The following HEATR3 variants were observed in gnomAD, a reference collection of about 807,000 sequenced individuals.
HEATR3 encodes the protein HEAT repeat containing 3.
In HEATR3, 56 loss-of-function variants were observed where a neutral mutation model predicts 72.8. That is an observed-to-expected ratio of 0.77 (90% CI 0.62 to 0.96). The LOEUF (loss-of-function observed/expected upper bound fraction) is 0.96, where lower values mean the gene tolerates loss of function less well. Ranked by LOEUF, HEATR3 falls within the 40% of genes least tolerant of loss-of-function variation. The pLI is 0.00. For synonymous variants in HEATR3, 331 were observed against 318.1 expected (o/e 1.04, Z -0.43); for missense variants, 747 against 831.4 (o/e 0.90, Z 1.25).
chr16:50,072,784 G>T lies in HEATR3; in HGVS notation c.622+70G>T, dbSNP rs552743951. The T allele has an allele frequency of 2.8e-5, 26 of 922,864 alleles. No individual in the cohort carries two copies. In the South Asian group the frequency reaches 3.3e-4, roughly 12 times the overall value. 57.2% of individuals were successfully genotyped at this position (922,864 alleles called of 1,614,324 possible). A position where few individuals can be genotyped will look rare whatever the true frequency, so the allele number is the denominator to read the frequency against. On this transcript the variant is annotated intron_variant, in intron 5 of 14. Coordinates refer to ENST00000299192, the MANE Select transcript of HEATR3 (RefSeq NM_182922.4). ...ATTCAAAAATTTTTATGCAGCTTTGGCGTGTTTATTCCACTGGAGTGATTT... is the reference window on the plus strand; with the variant it reads ...ATTCAAAAATTTTTATGCAGCTTTGTCGTGTTTATTCCACTGGAGTGATTT...
rs2036502676 is a variant in HEATR3, at chr16:50,066,587, C to T, written c.311+48C>T. ...CGGTGCCCACCGCTGGCCTCCCCCG[C>T]GTCTGGGCTGCGGGCGGTCGCAGCG... On this transcript the variant is annotated intron_variant, in intron 2 of 14. Transcript: ENST00000299192. 5 of 1,259,864 alleles carry T rather than the reference C, an allele frequency of 4.0e-6. No homozygotes were observed. In the South Asian group the frequency reaches 9.3e-5, roughly 23 times the overall value. The allele number at this position is 1,259,864 out of a possible 1,614,324, so 78.0% of individuals were successfully genotyped here.
At chr16:50,101,106 C>CTTTTTTTTTTTTTTTT (rs5816674) in intron 13 of HEATR3, among the ~76,000 whole-genome samples, 4 of 144,342 alleles carry the variant, frequency 2.8e-5, no homozygotes, top group Non-Finnish European at 4.5e-5. Flanking sequence ...ACTTGCAAAG[C>CTTTTTTTTTTTTTTTT]TTTTTTTTTT....
chr16:50,079,134 G>A, intron 7 of HEATR3, 116 bp downstream of exon 7: 2 of 993,104 alleles, frequency 2.0e-6, no homozygotes, highest in Non-Finnish European at 1.5e-6. Flanking sequence ...AGTGCGTTTT[G>A]GTAAAAATGA....
intron 12 of HEATR3, among the ~76,000 whole-genome samples, chr16:50,095,592 G>A (rs1320087479): frequency 3.3e-5 from 5 of 151,598 alleles, no homozygotes; most frequent in Non-Finnish European, 7.4e-5. Flanking sequence ...TTTTTGAGAC[G>A]GGGTCTTACT....
At chr16:50,066,578 C>T (rs1332970658) in intron 2 of HEATR3, 39 bp downstream of exon 2, 1 of 1,266,942 alleles carries the variant, frequency 7.9e-7, no homozygotes, top group Non-Finnish European at 9.9e-7. Context: ...CCACCGCTGG[C>T]CTCCCCCGCG....
intron 13 of HEATR3, 133 bp downstream of exon 13, chr16:50,100,506 T>G: frequency 1.2e-6 from 1 of 809,086 alleles, no homozygotes; most frequent in East Asian, 2.7e-5. Context: ...TTGAGTCATA[T>G]TATTAGAATA....
Position 50,066,556 on chromosome 16 carries a change from G to A in HEATR3, c.311+17G>A, listed in dbSNP as rs1457840833. The A allele has an allele frequency of 1.6e-5, 21 of 1,282,136 alleles. No individual in the cohort carries two copies. The highest frequency in any genetic ancestry group is 6.3e-5 in the East Asian group (2 of 31,712). The allele number at this position is 1,282,136 out of a possible 1,614,324, so 79.4% of individuals were successfully genotyped here. On this transcript the variant is annotated intron_variant, in intron 2 of 14. Coordinates refer to ENST00000299192, the MANE Select transcript of HEATR3 (RefSeq NM_182922.4). ...CGCGCTGAGGTGAGCCAGGAAGGGTGCGGGGCGGTGCCCACCGCTGGCCTC... is the reference window on the plus strand; with the variant it reads ...CGCGCTGAGGTGAGCCAGGAAGGGTACGGGGCGGTGCCCACCGCTGGCCTC...
At chr16:50,068,712 G>A in intron 2 of HEATR3, 68 bp from the exon 3 acceptor site, 2 of 650,062 alleles carry the variant, frequency 3.1e-6, no homozygotes, top group Admixed American at 6.3e-5. Flanking sequence ...AAATAGAAAT[G>A]TGAGAGGGTA....
rs200348552 is a variant in HEATR3, at chr16:50,082,343, C to CA, written c.1042-1585dup. Among the ~76,000 whole-genome samples, 1,109 of 147,266 alleles carry CA rather than the reference C, an allele frequency of 7.5e-3. 58 individuals are homozygous for CA. Among genetic ancestry groups the CA allele is most frequent in the Admixed American group, 0.07 (1,046 of 14,850 alleles). The stretch of plus-strand genomic sequence containing the variant: ...GAGTGACAGAGCAAGACTCTGTCTC[C>CA]AAAAAAAAAGAATAAAAAAGAATAA... On this transcript the variant is annotated intron_variant, in intron 7 of 14. Transcript: ENST00000299192.
intron 2 of HEATR3, chr16:50,066,922 A>G (rs1183518544): frequency 2.0e-5 from 4 of 202,358 alleles, no homozygotes; most frequent in South Asian, 1.9e-4. Context: ...GTTGACAGCC[A>G]AGATCCCTGT....
chr16:50,087,142 C>A (rs1342730599), intron 11 of HEATR3, among the ~76,000 whole-genome samples: 1 of 152,098 alleles, frequency 6.6e-6, no homozygotes, highest in Non-Finnish European at 1.5e-5. Context: ...CAGAGAGATT[C>A]TCCATGTATA....
chr16:50,092,707 G>C (rs553321822), intron 11 of HEATR3, among the ~76,000 whole-genome samples: 1 of 151,888 alleles, frequency 6.6e-6, no homozygotes, highest in Admixed American at 6.6e-5. Flanking sequence ...CTCCCAAAGT[G>C]CTGGGATTAC....
chr16:50,094,572 G>T (rs183775570), intron 11 of HEATR3, 133 bp from the exon 12 acceptor site: 47,785 of 510,988 alleles, frequency 0.094, 2,560 homozygotes, highest in Middle Eastern at 0.16. Context: ...AATATCGAGG[G>T]TTTTTTTTTG....
chr16:50,095,743 T>C (rs549788635), intron 12 of HEATR3, among the ~76,000 whole-genome samples: 3 of 152,178 alleles, frequency 2.0e-5, no homozygotes, highest in African/African-American at 7.2e-5. Context: ...CTCAGCAGGT[T>C]ATTAGCGTCC....
At position 50,075,656 on chromosome 16, in the gene HEATR3, A is replaced by T; in HGVS notation, c.708A>T (p.Ala236=). The change falls in exon 6 of 15, where the codon GCA becomes GCT. Residue 236 remains alanine (A), a synonymous_variant. Transcript: ENST00000299192. ...SATALNMLES[A]LLSPVSSMES... Reference sequence around the variant, plus strand: ...CAGCATTGAACATGCTGGAATCAGCACTGCTTTCTCCTGTCAGTTCCATGG... The same window carrying T: ...CAGCATTGAACATGCTGGAATCAGCTCTGCTTTCTCCTGTCAGTTCCATGG... 2 of 1,614,052 alleles carry T rather than the reference A, an allele frequency of 1.2e-6. No homozygotes were observed. Among genetic ancestry groups the T allele is most frequent in the South Asian group, 2.2e-5 (2 of 91,084 alleles).
chr16:50,096,417 CT>C (rs1018484570), intron 12 of HEATR3, among the ~76,000 whole-genome samples: 17 of 150,844 alleles, frequency 1.1e-4, no homozygotes, highest in Admixed American at 7.9e-4. Context: ...TCATGTGTTG[CT>C]TTTGGTTGAT....
At chr16:50,101,106 C>CTTTTTTTTTTTTTTTTTTT in intron 13 of HEATR3, among the ~76,000 whole-genome samples, 1 of 144,342 alleles carries the variant, frequency 6.9e-6, no homozygotes, top group Non-Finnish European at 1.5e-5. Context: ...ACTTGCAAAG[C>CTTTTTTTTTTTTTTTTTTT]TTTTTTTTTT....
At position 50,102,250 on chromosome 16, in the gene HEATR3, T is replaced by A. The variant is rs753824404; in HGVS notation, c.1744-9T>A. 5.0e-6 allele frequency: 8 copies of A among 1,607,256 alleles called. No homozygotes were observed. On this transcript the variant is annotated splice_polypyrimidine_tract_variant and intron_variant, in intron 13 of 14. Transcript: ENST00000299192. Reference sequence around the variant, plus strand: ...GTTAGTCATACTAAATGTGTTTTGTTGTTTCCAGAACATTGGGTGCTTTCT... The same window carrying A: ...GTTAGTCATACTAAATGTGTTTTGTAGTTTCCAGAACATTGGGTGCTTTCT...
intron 13 of HEATR3, 63 bp from the exon 14 acceptor site, chr16:50,102,196 C>T (rs1020369707): frequency 3.6e-6 from 5 of 1,407,598 alleles, no homozygotes; most frequent in Non-Finnish European, 4.9e-6. Context: ...TTGCCACATT[C>T]AAAGTTGGTA....
Sources: allele counts gnomAD v4.1 joint callset (sites outside exome capture counted in the v4.1 genomes callset), GRCh38; gene constraint gnomAD v4.1.1; transcripts MANE v1.5; gene names NCBI Gene and HGNC (gene_info 2026-07-23, HGNC 2026-07-21).